The following CDH4 variants were observed in gnomAD, a reference collection of about 807,000 sequenced individuals.
CDH4 encodes cadherin 4, also known as cadherin-4.
Under a neutral mutation model 86.0 loss-of-function variants are expected in CDH4, and 33 were observed. The observed-to-expected ratio is 0.38, with a 90% confidence interval of 0.29 to 0.51. CDH4 has a LOEUF of 0.51. Among genes scored for constraint, CDH4 ranks in the 20% least tolerant of loss-of-function variants. The probability of loss-of-function intolerance (pLI) is 0.86; values close to 1 mark genes in which losing one functional copy is unlikely to be tolerated. For synonymous variants in CDH4, 555 were observed against 549.4 expected (o/e 1.01, Z -0.14); for missense variants, 1,114 against 1,307.4 (o/e 0.85, Z 2.28).
intron 2 of CDH4, among the ~76,000 whole-genome samples, chr20:61,268,915 A>G (rs1315731060): frequency 2.0e-5 from 3 of 152,176 alleles, no homozygotes; most frequent in Non-Finnish European, 4.4e-5. Context: ...GATTAAGACA[A>G]TGGGATATTA....
In CDH4 at chr20:61,902,804, C is replaced by G. The variant is rs986111681; in HGVS notation, c.1189-7618C>G. Among the ~76,000 whole-genome samples the G allele has an allele frequency of 6.6e-6, 1 of 152,122 alleles. No individual in the cohort carries two copies. The highest frequency in any genetic ancestry group is 1.5e-5 in the Non-Finnish European group (1 of 68,026). ...AGGAGGAAGATTCTAGCATTGCAGA[C>G]GTCTAAGTATGAGGTCAGCGCCTCG... On this transcript the variant is annotated intron_variant, in intron 8 of 15. Coordinates refer to ENST00000614565, the MANE Select transcript of CDH4 (RefSeq NM_001794.5). The surrounding 1 kb of genome is among the most constrained non-coding windows in gnomAD (Gnocchi z 4.6).
At chr20:61,338,339 C>T (rs1292159816) in intron 2 of CDH4, among the ~76,000 whole-genome samples, 1 of 152,098 alleles carries the variant, frequency 6.6e-6, no homozygotes, top group African/African-American at 2.4e-5. Flanking sequence ...GAGGTTTTTC[C>T]TGCACCTAAA....
In CDH4 at chr20:61,920,503, A is replaced by G. The variant is rs996051127; in HGVS notation, c.1375-2948A>G. Among the ~76,000 whole-genome samples the G allele has an allele frequency of 2.0e-5, 3 of 148,976 alleles. No homozygotes were observed. In the South Asian group the frequency reaches 6.4e-4, roughly 32 times the overall value. Reference sequence around the variant, plus strand: ...CACGGTGATTGTGTGGAAGCGTGTCATGGTGATTATGTGGAAGTGTGGTGT... The same window carrying G: ...CACGGTGATTGTGTGGAAGCGTGTCGTGGTGATTATGTGGAAGTGTGGTGT... On this transcript the variant is annotated intron_variant, in intron 9 of 15. Coordinates refer to ENST00000614565, the MANE Select transcript of CDH4 (RefSeq NM_001794.5).
At chr20:61,765,099 C>T (rs536541657) in intron 3 of CDH4, among the ~76,000 whole-genome samples, 111 of 152,286 alleles carry the variant, frequency 7.3e-4, no homozygotes, top group African/African-American at 2.6e-3. Context: ...GGCCCCCACA[C>T]CCTTCATCTG....
intron 2 of CDH4, among the ~76,000 whole-genome samples, chr20:61,633,637 T>C (rs2145791667): frequency 6.6e-6 from 1 of 152,318 alleles, no homozygotes; most frequent in Non-Finnish European, 1.5e-5. Flanking sequence ...GTAAAAAGCA[T>C]GGTTTCTGGC....
At chr20:61,337,492 C>T (rs2084626057) in intron 2 of CDH4, among the ~76,000 whole-genome samples, 1 of 151,634 alleles carries the variant, frequency 6.6e-6, no homozygotes, top group Admixed American at 6.6e-5. Flanking sequence ...TTGACAATGA[C>T]AATGATAAAA....
At chr20:61,432,951 GC>G (rs2085256453) in intron 2 of CDH4, among the ~76,000 whole-genome samples, 1 of 148,504 alleles carries the variant, frequency 6.7e-6, no homozygotes. Context: ...CAATTCTCCT[GC>G]CTCAGCCTCC....
intron 2 of CDH4, among the ~76,000 whole-genome samples, chr20:61,511,450 C>T (rs575403028): frequency 1.5e-4 from 23 of 152,330 alleles, no homozygotes; most frequent in Non-Finnish European, 3.2e-4. Flanking sequence ...AAAAGTCCTT[C>T]CCCTAAAGCA....
At position 61,873,804 on chromosome 20, in the gene CDH4, C is replaced by T. The variant is rs999341553; in HGVS notation, c.954C>T (p.Ile318=). 6 of 1,614,070 alleles carry T rather than the reference C, an allele frequency of 3.7e-6. No individual in the cohort carries two copies. The highest frequency in any genetic ancestry group is 3.3e-5 in the Admixed American group (2 of 60,030). ...TTANGMVRYR[I]VTQTPQSPSQ... The stretch of plus-strand genomic sequence containing the variant: ...CCAACGGGATGGTGCGGTACCGGAT[C>T]GTGACCCAGACCCCACAGAGCCCGT... The change falls in exon 7 of 16, where the codon ATC becomes ATT. Residue 318 remains isoleucine (I), a synonymous_variant. Coordinates refer to ENST00000614565, the MANE Select transcript of CDH4 (RefSeq NM_001794.5).
chr20:61,513,131 G>A (rs971173446), intron 2 of CDH4, among the ~76,000 whole-genome samples: 2 of 152,118 alleles, frequency 1.3e-5, no homozygotes, highest in African/African-American at 4.8e-5. Flanking sequence ...CCCTTTCCAG[G>A]CACACACAGC....
intron 2 of CDH4, among the ~76,000 whole-genome samples, chr20:61,519,515 G>A (rs1600725991): frequency 6.6e-6 from 1 of 152,192 alleles, no homozygotes; most frequent in Non-Finnish European, 1.5e-5. Flanking sequence ...TAAGCCTCAC[G>A]GTACATTTTC....
At chr20:61,525,655 G>A (rs550321534) in intron 2 of CDH4, among the ~76,000 whole-genome samples, 2 of 152,304 alleles carry the variant, frequency 1.3e-5, no homozygotes, top group South Asian at 4.1e-4. Context: ...GGCTGTACCC[G>A]ATCTCGTTTT....
intron 2 of CDH4, among the ~76,000 whole-genome samples, chr20:61,364,640 CCATAAACATGTG>C (rs2084801738): frequency 6.6e-6 from 1 of 152,176 alleles, no homozygotes; most frequent in Non-Finnish European, 1.5e-5. Context: ...CACATGCTGT[CCATAAACATGTG>C]CATAAACATG....
intron 2 of CDH4, among the ~76,000 whole-genome samples, chr20:61,497,920 A>G (rs1415194532): frequency 1.3e-5 from 2 of 152,040 alleles, no homozygotes; most frequent in Non-Finnish European, 1.5e-5. Context: ...ACATGGATGA[A>G]GCTGGAAACC....
chr20:61,475,325 A>G (rs957130662), intron 2 of CDH4, among the ~76,000 whole-genome samples: 11 of 151,534 alleles, frequency 7.3e-5, no homozygotes, highest in East Asian at 5.9e-4. Flanking sequence ...TTTCCTTCAA[A>G]TGCCCAGACA....
At chr20:61,841,738 T>A (rs961219925) in intron 4 of CDH4, among the ~76,000 whole-genome samples, 2 of 152,058 alleles carry the variant, frequency 1.3e-5, no homozygotes, top group African/African-American at 4.8e-5. Context: ...TGTGAGTGTG[T>A]GCACATGTGC....
chr20:61,411,776 G>A (rs2085121098), intron 2 of CDH4, among the ~76,000 whole-genome samples: 1 of 152,216 alleles, frequency 6.6e-6, no homozygotes, highest in Non-Finnish European at 1.5e-5. Context: ...GGATATGTCA[G>A]CACTGTGGGC....
intron 2 of CDH4, among the ~76,000 whole-genome samples, chr20:61,524,815 T>G (rs2085898586): frequency 6.6e-6 from 1 of 152,180 alleles, no homozygotes; most frequent in Admixed American, 6.5e-5. Context: ...TTAAATGCAT[T>G]TTTAAATTCC....
intron 2 of CDH4, among the ~76,000 whole-genome samples, chr20:61,495,820 T>C (rs2085657569): frequency 6.7e-6 from 1 of 150,212 alleles, no homozygotes; most frequent in Admixed American, 6.7e-5. Context: ...GGAGAATCAT[T>C]TGAACTCAGG....
Sources: allele counts gnomAD v4.1 joint callset (sites outside exome capture counted in the v4.1 genomes callset), GRCh38; gene constraint gnomAD v4.1.1; non-coding constraint Gnocchi (gnomAD v3.1); transcripts MANE v1.5; gene names NCBI Gene and HGNC (gene_info 2026-07-23, HGNC 2026-07-21).